Variants in BZW2 observed in about 807,000 individuals in gnomAD.
BZW2 encodes eIF5-mimic protein 1.
A neutral mutation model predicts 53.2 loss-of-function variants in BZW2; 23 were observed. The ratio of observed to expected loss-of-function variants is 0.43; its 90% confidence interval spans 0.31 to 0.61. The LOEUF is 0.61. Among genes scored for constraint, BZW2 ranks in the 20% least tolerant of loss-of-function variants. The pLI, the probability that BZW2 is intolerant of heterozygous loss-of-function variation, is 0.09. For synonymous variants in BZW2, 227 were observed against 186.4 expected, an observed-to-expected ratio of 1.22 and a Z score of -1.77; for missense variants, 409 against 503.1, an observed-to-expected ratio of 0.81 and a Z score of 1.79.
intron 1 of BZW2, among the ~76,000 whole-genome samples, chr7:16,661,639 G>T (rs1406133509): frequency 6.6e-6 from 1 of 152,102 alleles, no homozygotes; most frequent in Non-Finnish European, 1.5e-5. Flanking sequence ...TTGATTGATT[G>T]GATCATTTTA....
intron 1 of BZW2, among the ~76,000 whole-genome samples, chr7:16,653,846 G>T (rs1169128855): frequency 6.6e-6 from 1 of 152,130 alleles, no homozygotes; most frequent in East Asian, 1.9e-4. Flanking sequence ...AGATTGGGAA[G>T]AGCACTACCC....
rs550063438 is a variant in BZW2 at position 16,692,873 on chromosome 7, G to A, written c.652-1961G>A. Among the ~76,000 whole-genome samples the A allele has an allele frequency of 2.0e-5, 3 of 152,296 alleles. No homozygotes were observed. The South Asian group carries it at 6.2e-4, about 32-fold the overall frequency. On this transcript the variant is annotated intron_variant, in intron 7 of 11. Coordinates refer to ENST00000258761, the MANE Select transcript of BZW2 (RefSeq NM_014038.3). ...TGTGATAAGATGACATTGGTGTAAA[G>A]ACTTGAGGGAGGTGTGGAGTGAACT... is the stretch of plus-strand genomic sequence containing the variant.
chr7:16,656,637 GTTT>G (rs1051505408), intron 1 of BZW2, among the ~76,000 whole-genome samples: 5 of 151,298 alleles, frequency 3.3e-5, no homozygotes, highest in Non-Finnish European at 7.4e-5. Context: ...GCATGAATCA[GTTT>G]TTTATTTAAT....
chr7:16,689,258 AT>A (rs1783227524), intron 6 of BZW2, among the ~76,000 whole-genome samples: 1 of 152,172 alleles, frequency 6.6e-6, no homozygotes, highest in Non-Finnish European at 1.5e-5. Context: ...AATAAATAAA[AT>A]GCTTTTTATA....
chr7:16,659,812 AATG>A (rs1782205408), intron 1 of BZW2, among the ~76,000 whole-genome samples: 1 of 151,734 alleles, frequency 6.6e-6, no homozygotes, highest in Admixed American at 6.6e-5. Flanking sequence ...ATACTTTGGG[AATG>A]ATATTGTTGC....
At chr7:16,660,618 A>G (rs1782229419) in intron 1 of BZW2, among the ~76,000 whole-genome samples, 2 of 152,128 alleles carry the variant, frequency 1.3e-5, no homozygotes, top group Non-Finnish European at 1.5e-5. Flanking sequence ...ATCAAATTTA[A>G]GTGTTTTGGG....
rs192585989 is a variant in BZW2 at position 16,695,557 on chromosome 7, A to G, written c.822+553A>G. ...CTATAATGTAAAAGCTATATTTTTT[A>G]TAATACGCATATACATAGTTTATAT... On this transcript the variant is annotated intron_variant, in intron 8 of 11. Transcript: ENST00000258761. Among the ~76,000 whole-genome samples the G allele has an allele frequency of 3.3e-5, 5 of 152,386 alleles. No homozygotes were observed. In the East Asian group the frequency reaches 9.6e-4, roughly 29 times the overall value.
intron 7 of BZW2, among the ~76,000 whole-genome samples, chr7:16,692,066 A>G (rs1371886483): frequency 6.6e-6 from 1 of 152,234 alleles, no homozygotes. Flanking sequence ...TCCACTCTTT[A>G]GGAGGAAATT....
chr7:16,657,264 C>T (rs919207797), intron 1 of BZW2, among the ~76,000 whole-genome samples: 3 of 152,166 alleles, frequency 2.0e-5, no homozygotes, highest in African/African-American at 7.2e-5. Context: ...CTTGAACCCA[C>T]TACTCATGTT....
intron 6 of BZW2, 54 bp downstream of exon 6, chr7:16,686,094 A>C: frequency 6.3e-7 from 1 of 1,595,240 alleles, no homozygotes; most frequent in South Asian, 1.1e-5. Context: ...AAATAAAGTC[A>C]CAGATAGTTA....
intron 1 of BZW2, among the ~76,000 whole-genome samples, chr7:16,656,115 A>T (rs937404134): frequency 6.7e-6 from 1 of 150,342 alleles, no homozygotes; most frequent in Non-Finnish European, 1.5e-5. Flanking sequence ...ATACATATAT[A>T]TGTGTGTATA....
intron 3 of BZW2, among the ~76,000 whole-genome samples, chr7:16,676,172 T>G (rs1050323449): frequency 6.6e-6 from 1 of 152,248 alleles, no homozygotes; most frequent in African/African-American, 2.4e-5. Flanking sequence ...TTTGTATTTA[T>G]TCAGCAATAT....
chr7:16,689,127 G>A (rs558178702), intron 6 of BZW2, among the ~76,000 whole-genome samples: 14 of 152,256 alleles, frequency 9.2e-5, no homozygotes, highest in African/African-American at 3.1e-4. Context: ...TTGGGAGGCT[G>A]AGGCAGGAGA....
At chr7:16,666,152 TGGTGTGATGATAGC>T (rs1782419297) in intron 2 of BZW2, among the ~76,000 whole-genome samples, 2 of 152,126 alleles carry the variant, frequency 1.3e-5, no homozygotes, top group African/African-American at 4.8e-5. Context: ...TGGAGTGCAG[TGGTGTGATGATAGC>T]TCACTGCATC....
chr7:16,650,656 T>A (rs115809627), intron 1 of BZW2, among the ~76,000 whole-genome samples: 2,389 of 152,330 alleles, frequency 0.016, 46 homozygotes, highest in African/African-American at 0.052. Flanking sequence ...TCCTAGACTT[T>A]GGGATTTTAC....
At chr7:16,677,637 C>T (rs976093045) in intron 3 of BZW2, among the ~76,000 whole-genome samples, 3 of 152,096 alleles carry the variant, frequency 2.0e-5, no homozygotes, top group African/African-American at 7.2e-5. Context: ...AGTTTTACAG[C>T]TTCGATTCTG....
intron 1 of BZW2, among the ~76,000 whole-genome samples, chr7:16,656,593 AC>A (rs1583701121): frequency 6.6e-6 from 1 of 151,090 alleles, no homozygotes. Context: ...ACACACACAC[AC>A]ACAAGTAGGT....
intron 1 of BZW2, among the ~76,000 whole-genome samples, chr7:16,663,367 C>T (rs527331664): frequency 1.8e-4 from 28 of 152,168 alleles, no homozygotes; most frequent in East Asian, 3.9e-4. Flanking sequence ...TATCCCCAAG[C>T]GTGATGTATT....
intron 1 of BZW2, among the ~76,000 whole-genome samples, chr7:16,654,730 G>A (rs568932927): frequency 5.3e-5 from 8 of 151,042 alleles, no homozygotes; most frequent in South Asian, 4.2e-4. Context: ...GTGGATACAC[G>A]GTTTCACCAT....
Sources: allele counts gnomAD v4.1 joint callset (sites outside exome capture counted in the v4.1 genomes callset), GRCh38; gene constraint gnomAD v4.1.1; transcripts MANE v1.5; gene names NCBI Gene and HGNC (gene_info 2026-07-23, HGNC 2026-07-21).